SOX5: variants seen among roughly 807,000 people sequenced by gnomAD.
SOX5 encodes SRY-box transcription factor 5, also known as transcription factor SOX-5.
In SOX5, 9 loss-of-function variants were observed where a neutral mutation model predicts 92.0. That is an observed-to-expected ratio of 0.10 (90% CI 0.06 to 0.17). The LOEUF is 0.17. Among genes scored for constraint, SOX5 ranks in the 10% least tolerant of loss-of-function variants. The pLI is 1.00. For synonymous variants in SOX5, 344 were observed against 336.3 expected (o/e 1.02, Z -0.25); for missense variants, 642 against 944.5 (o/e 0.68, Z 4.20).
rs1459203890 is a variant in SOX5, at chr12:24,529,368, T to C, written c.-251+32961A>G. Among the ~76,000 whole-genome samples the C allele has an allele frequency of 3.9e-5, 6 of 152,202 alleles. No individual in the cohort carries two copies. The East Asian group carries it at 1.2e-3, about 29-fold the overall frequency. On this transcript the variant is annotated intron_variant, in intron 1 of 4. Transcript: ENST00000446891. Reference sequence around the variant, plus strand: ...AAATAAATTTGTCTGTAGTGGCAAATTTCCTAAAACAAATATTAAACACAG... The same window carrying C: ...AAATAAATTTGTCTGTAGTGGCAAACTTCCTAAAACAAATATTAAACACAG...
intron 3 of SOX5, among the ~76,000 whole-genome samples, chr12:23,786,462 G>A (rs1215115313): frequency 1.3e-5 from 2 of 151,328 alleles, no homozygotes; most frequent in Non-Finnish European, 3.0e-5. Flanking sequence ...AATCAAATCT[G>A]GAAAGGACTA....
chr12:24,357,242 G>A (rs1044362576), intron 2 of SOX5: 1 of 152,170 alleles, frequency 6.6e-6, no homozygotes, highest in Non-Finnish European at 1.5e-5. Context: ...AAATTTCGAG[G>A]TGAAATATTT....
intron 3 of SOX5, among the ~76,000 whole-genome samples, chr12:23,782,881 TG>T (rs2095309580): frequency 6.6e-6 from 1 of 152,138 alleles, no homozygotes; most frequent in African/African-American, 2.4e-5. Flanking sequence ...TTTGTGTGTG[TG>T]TGTGCGGTGG....
intron 1 of SOX5, among the ~76,000 whole-genome samples, chr12:24,511,744 G>T (rs959523617): frequency 5.9e-5 from 9 of 151,984 alleles, no homozygotes; most frequent in Non-Finnish European, 1.3e-4. Flanking sequence ...GGATCACAAG[G>T]TCAGGAGATC....
chr12:23,716,004 T>C (rs972701845), intron 6 of SOX5, among the ~76,000 whole-genome samples: 1 of 152,038 alleles, frequency 6.6e-6, no homozygotes, highest in Non-Finnish European at 1.5e-5. Flanking sequence ...CTGATTTAAG[T>C]TTGTTGTGTG....
intron 4 of SOX5, among the ~76,000 whole-genome samples, chr12:24,072,023 T>C (rs1941859589): frequency 6.6e-6 from 1 of 152,234 alleles, no homozygotes; most frequent in South Asian, 2.1e-4. Context: ...CCAGATAATG[T>C]TGAAACTTGG....
Position 24,499,713 on chromosome 12 carries a change from T to C in SOX5, c.-251+62616A>G, listed in dbSNP as rs545619362. Among the ~76,000 whole-genome samples, 13 of 150,804 alleles carry C rather than the reference T, an allele frequency of 8.6e-5. 1 individual carries two copies. Among genetic ancestry groups the C allele is most frequent in the Non-Finnish European group, 1.5e-5 (1 of 67,930 alleles). The stretch of plus-strand genomic sequence containing the variant: ...TCCTAGTCCAGGCGAAGGATGCTAA[T>C]AACACTTTAAAGTCACTCTGATAAA... On this transcript the variant is annotated intron_variant, in intron 1 of 4. Coordinates refer to the SOX5 transcript ENST00000446891.
intron 8 of SOX5, among the ~76,000 whole-genome samples, chr12:23,623,161 A>G (rs1482091120): frequency 6.6e-6 from 1 of 152,156 alleles, no homozygotes; most frequent in Non-Finnish European, 1.5e-5. Flanking sequence ...ACATTTTTTG[A>G]AAGGTACTGA....
intron 2 of SOX5, among the ~76,000 whole-genome samples, chr12:23,889,819 T>G (rs997658048): frequency 6.6e-6 from 1 of 152,188 alleles, no homozygotes; most frequent in African/African-American, 2.4e-5. Flanking sequence ...CATTAAGATA[T>G]ATGACAAAAT....
rs908517614 is a variant in SOX5, at chr12:24,273,307, T to C, written c.-77+3909A>G. Among the ~76,000 whole-genome samples, 6 of 152,222 alleles carry C rather than the reference T, an allele frequency of 3.9e-5. No homozygotes were observed. The East Asian group carries it at 7.7e-4, about 20-fold the overall frequency. On this transcript the variant is annotated intron_variant, in intron 3 of 4. Transcript: ENST00000446891. ...TTCCTTGAATTTGCCTGCAAAGTCATCTTGGTCAAGATTTTGCTTTTGCTT... is the reference window on the plus strand; with the variant it reads ...TTCCTTGAATTTGCCTGCAAAGTCACCTTGGTCAAGATTTTGCTTTTGCTT...
At chr12:24,211,691 C>A (rs1958629862) in intron 4 of SOX5, among the ~76,000 whole-genome samples, 1 of 152,142 alleles carries the variant, frequency 6.6e-6, no homozygotes, top group Admixed American at 6.5e-5. Flanking sequence ...CTGCATCATG[C>A]CAAGAAACAT....
intron 3 of SOX5, among the ~76,000 whole-genome samples, chr12:23,841,204 A>C (rs75682615): frequency 6.6e-6 from 1 of 152,142 alleles, no homozygotes; most frequent in Non-Finnish European, 1.5e-5. Context: ...ATATAAGCAC[A>C]CAAAAGATGC....
chr12:23,807,827 T>C, intron 3 of SOX5, among the ~76,000 whole-genome samples: 1 of 151,932 alleles, frequency 6.6e-6, no homozygotes, highest in Non-Finnish European at 1.5e-5. Context: ...TTTGTATTTT[T>C]AGTAGAGATG....
At chr12:23,637,125 G>A (rs909280703) in intron 8 of SOX5, among the ~76,000 whole-genome samples, 1 of 152,072 alleles carries the variant, frequency 6.6e-6, no homozygotes, top group Non-Finnish European at 1.5e-5. Flanking sequence ...ATCCTTTTGT[G>A]TTTAAAATAT....
intron 12 of SOX5, 97 bp from the exon 13 acceptor site, chr12:23,543,481 G>A (rs994718807): frequency 1.3e-5 from 11 of 878,266 alleles, no homozygotes; most frequent in African/African-American, 8.4e-5. Flanking sequence ...TATCTGAAAA[G>A]AAAAAGTACT....
intron 2 of SOX5, among the ~76,000 whole-genome samples, chr12:24,348,353 T>G (rs1342824734): frequency 6.8e-6 from 1 of 146,652 alleles, no homozygotes. Flanking sequence ...ATGTTGCAGC[T>G]CTATTGACTC....
chr12:23,534,734 A>C (rs991168369), intron 14 of SOX5, among the ~76,000 whole-genome samples: 3 of 112,862 alleles, frequency 2.7e-5, no homozygotes, highest in African/African-American at 1.1e-4. Context: ...GAGATGACGT[A>C]GTTTCGCTCC....
intron 3 of SOX5, among the ~76,000 whole-genome samples, chr12:23,774,500 C>T (rs1213150516): frequency 1.3e-5 from 2 of 152,036 alleles, no homozygotes; most frequent in African/African-American, 4.8e-5. Context: ...CAATGATATT[C>T]TGCTGAGTCA....
At chr12:24,335,323 A>T (rs575126633) in intron 2 of SOX5, among the ~76,000 whole-genome samples, 10 of 152,284 alleles carry the variant, frequency 6.6e-5, no homozygotes, top group South Asian at 2.1e-4. Flanking sequence ...TTACACAATT[A>T]AAAAAATCTC....
Sources: gnomAD v4.1 joint callset for allele counts (sites outside exome capture counted in the v4.1 genomes callset) on GRCh38, gnomAD v4.1.1 for gene constraint, MANE v1.5 for transcripts, NCBI Gene and HGNC (gene_info 2026-07-23, HGNC 2026-07-21) for gene names.